HIPK2: variants seen among roughly 807,000 people sequenced by gnomAD.
HIPK2 encodes the protein homeodomain interacting protein kinase 2, also known as homeodomain-interacting protein kinase 2.
In HIPK2, 27 loss-of-function variants were observed where a neutral mutation model predicts 113.7. The observed-to-expected ratio is 0.24, with a 90% CI of 0.17 to 0.33. The LOEUF (loss-of-function observed/expected upper bound fraction) is 0.33. Among genes scored for constraint, HIPK2 ranks in the 10% least tolerant of loss-of-function variants. The pLI is 1.00. For missense variants in HIPK2, 1,257 were observed against 1,588.0 expected (o/e 0.79, Z 3.54); for synonymous variants, 631 against 642.2 (o/e 0.98, Z 0.26).
At chr7:139,667,999 G>A (rs1211194022) in intron 2 of HIPK2, among the ~76,000 whole-genome samples, 1 of 151,724 alleles carries the variant, frequency 6.6e-6, no homozygotes, top group African/African-American at 2.4e-5. Flanking sequence ...GTGATGGCAT[G>A]CACTGTCATC....
chr7:139,641,237 C>T (rs1801006210), intron 2 of HIPK2, among the ~76,000 whole-genome samples: 1 of 151,952 alleles, frequency 6.6e-6, no homozygotes, highest in African/African-American at 2.4e-5. Flanking sequence ...TGGTGGCACG[C>T]ACCTGTAATC....
At chr7:139,696,449 G>A (rs1428463241) in intron 2 of HIPK2, among the ~76,000 whole-genome samples, 1 of 151,982 alleles carries the variant, frequency 6.6e-6, no homozygotes, top group Non-Finnish European at 1.5e-5. Context: ...AAGGCACAGT[G>A]ACACACACCT....
chr7:139,610,668 G>C (rs113363152), intron 9 of HIPK2, among the ~76,000 whole-genome samples: 1 of 152,156 alleles, frequency 6.6e-6, no homozygotes, highest in Non-Finnish European at 1.5e-5. Context: ...ACTTCATATC[G>C]ATCTTAAACA....
intron 2 of HIPK2, among the ~76,000 whole-genome samples, chr7:139,633,367 C>A (rs1800689551): frequency 6.6e-6 from 1 of 152,064 alleles, no homozygotes; most frequent in Non-Finnish European, 1.5e-5. Flanking sequence ...GATCTTCTAG[C>A]TGAATTTTTC....
At chr7:139,681,986 C>T (rs1327639168) in intron 2 of HIPK2, among the ~76,000 whole-genome samples, 4 of 152,178 alleles carry the variant, frequency 2.6e-5, no homozygotes, top group African/African-American at 7.2e-5. Context: ...GTGGAGCCCT[C>T]GGATCTGGCT....
intron 2 of HIPK2, among the ~76,000 whole-genome samples, chr7:139,693,721 G>GA (rs34589503): frequency 0.025 from 3,424 of 138,166 alleles, 99 homozygotes; most frequent in African/African-American, 0.081. Context: ...TTTTTGTCCA[G>GA]AAAAAAAAAA....
chr7:139,724,508 A>C (rs1290953541), intron 1 of HIPK2, among the ~76,000 whole-genome samples: 1 of 152,208 alleles, frequency 6.6e-6, no homozygotes, highest in Non-Finnish European at 1.5e-5. Context: ...CTTAGGATCA[A>C]CCACAAGCTC....
intron 13 of HIPK2, among the ~76,000 whole-genome samples, chr7:139,578,364 G>A (rs193185530): frequency 8.9e-4 from 135 of 151,888 alleles, no homozygotes; most frequent in African/African-American, 3.1e-3. Context: ...CAGGCTGGTC[G>A]TGAACTCCTG....
chr7:139,751,481 A>G (rs1291540666), intron 1 of HIPK2, among the ~76,000 whole-genome samples: 1 of 147,256 alleles, frequency 6.8e-6, no homozygotes, highest in Non-Finnish European at 1.5e-5. Context: ...TAAGAAGGGG[A>G]GAGAGAACAG....
At chr7:139,662,614 CCACT>C (rs1801904304) in intron 2 of HIPK2, among the ~76,000 whole-genome samples, 1 of 146,860 alleles carries the variant, frequency 6.8e-6, no homozygotes, top group Non-Finnish European at 1.5e-5. Context: ...TCCTAAAACA[CCACT>C]TTTTTTTTTT....
chr7:139,767,895 T>C (rs1264729555), intron 1 of HIPK2, among the ~76,000 whole-genome samples: 2 of 152,212 alleles, frequency 1.3e-5, no homozygotes, highest in Non-Finnish European at 2.9e-5. Flanking sequence ...AGGCCCAAGC[T>C]CACCCCTCCC....
intron 1 of HIPK2, among the ~76,000 whole-genome samples, chr7:139,756,911 C>T (rs1471460957): frequency 2.0e-5 from 3 of 152,194 alleles, no homozygotes; most frequent in Admixed American, 2.0e-4. Context: ...TGTGTCCACA[C>T]AACTAGCTTA....
intron 9 of HIPK2, among the ~76,000 whole-genome samples, chr7:139,611,606 A>G (rs924798389): frequency 5.3e-5 from 8 of 152,010 alleles, no homozygotes; most frequent in Non-Finnish European, 1.2e-4. Context: ...CAATGATGTG[A>G]TCATAGCTCA....
intron 2 of HIPK2, among the ~76,000 whole-genome samples, chr7:139,647,625 T>C (rs1219896848): frequency 2.0e-5 from 3 of 152,162 alleles, no homozygotes; most frequent in Non-Finnish European, 4.4e-5. Context: ...TCTATATATA[T>C]GCTGAGGAAT....
chr7:139,610,688 G>A (rs977907064), intron 9 of HIPK2, among the ~76,000 whole-genome samples: 4 of 152,142 alleles, frequency 2.6e-5, no homozygotes, highest in African/African-American at 9.7e-5. Context: ...AAACTGTTCC[G>A]GAAAACAGAA....
intron 2 of HIPK2, among the ~76,000 whole-genome samples, chr7:139,702,852 T>C (rs1333601561): frequency 6.6e-6 from 1 of 152,216 alleles, no homozygotes; most frequent in African/African-American, 2.4e-5. Context: ...CTGTTTCTAG[T>C]GGTCAGTCCT....
chr7:139,764,046 G>A (rs1796513894), intron 1 of HIPK2, among the ~76,000 whole-genome samples: 1 of 152,208 alleles, frequency 6.6e-6, no homozygotes, highest in Admixed American at 6.5e-5. Flanking sequence ...TGCCTTATGA[G>A]AAACGCATGT....
Position 139,613,005 on chromosome 7 carries a change from TTTC to T in HIPK2, c.2112+194_2112+196del, listed in dbSNP as rs1303147611. ...TCCCCAGACTCTCCCTGTATCTAAA[TTTC>T]TTCTTGGAATTGTAAGCAGATACTT... On this transcript the variant is annotated intron_variant, in intron 9 of 14. Coordinates refer to ENST00000406875, the MANE Select transcript of HIPK2 (RefSeq NM_022740.5). This position sits in a 1 kb window ranked among gnomAD's most constrained non-coding sequence, Gnocchi z 4.2. 4.7e-6 allele frequency: 1 copy of T among 211,918 alleles called. No homozygotes were observed. Among genetic ancestry groups the T allele is most frequent in the Non-Finnish European group, 8.2e-6 (1 of 122,658 alleles). 13.1% of individuals were successfully genotyped at this position (211,918 alleles called of 1,614,324 possible).
rs71170912 is a variant in HIPK2 at position 139,729,324 on chromosome 7, T to TGAGAGA, written c.20-12315_20-12310dup. 7.5e-3 allele frequency among the ~76,000 whole-genome samples: 522 copies of TGAGAGA among 69,160 alleles called. 16 individuals carry two copies. The highest frequency in any genetic ancestry group is 0.023 in the South Asian group (30 of 1,280). 45.4% of individuals were successfully genotyped at this position (69,160 alleles called of 152,430 possible). A position where few individuals can be genotyped will look rare whatever the true frequency, so the allele number is the denominator to read the frequency against. On this transcript the variant is annotated intron_variant, in intron 1 of 14. Transcript: ENST00000406875. ...TGGGTGACAGAGTAGACCCTGTCTCTGAGAGAGAGAGAGAGAGAGAGAGAG... is the reference window on the plus strand; with the variant it reads ...TGGGTGACAGAGTAGACCCTGTCTCTGAGAGAGAGAGAGAGAGAGAGAGAGAGAGAG...
Sources: allele counts gnomAD v4.1 joint callset (sites outside exome capture counted in the v4.1 genomes callset), GRCh38; gene constraint gnomAD v4.1.1; non-coding constraint Gnocchi (gnomAD v3.1); transcripts MANE v1.5; gene names NCBI Gene and HGNC (gene_info 2026-07-23, HGNC 2026-07-21).